Variants in CAMSAP3 observed in about 807,000 individuals in gnomAD.
CAMSAP3 encodes the protein calmodulin regulated spectrin associated protein family member 3.
Under a neutral mutation model 112.5 loss-of-function variants are expected in CAMSAP3, and 34 were observed. The ratio of observed to expected loss-of-function variants is 0.30; its 90% CI spans 0.23 to 0.40. The LOEUF (loss-of-function observed/expected upper bound fraction) is 0.40. Ranked by LOEUF, CAMSAP3 falls within the 10% of genes least tolerant of loss-of-function variation. The pLI, the probability that CAMSAP3 is intolerant of heterozygous loss-of-function variation, is 1.00. For missense variants in CAMSAP3, 1,602 were observed against 1,770.3 expected (o/e 0.90, Z 1.71); for synonymous variants, 868 against 799.8 (o/e 1.09, Z -1.44).
At position 7,611,775 on chromosome 19, in the gene CAMSAP3, C is replaced by T. The variant is rs758867421; in HGVS notation, c.1282C>T (p.Arg428Cys). Residue 428 changes from arginine (R) to cysteine (C), a missense_variant, in exon 11 of 17, where the codon CGC becomes TGC. Arg to Cys is a radical substitution (Grantham distance 180). Coordinates refer to ENST00000160298, the MANE Select transcript of CAMSAP3 (RefSeq NM_020902.2). This position sits in a 1 kb window ranked among gnomAD's most constrained non-coding sequence, Gnocchi z 6.9. ...CGTCATGGGAGACCCTGTGCTCCTCCGCTCTGTGAGCTCGGACAGCCTGGG... is the reference window on the plus strand; with the variant it reads ...CGTCATGGGAGACCCTGTGCTCCTCTGCTCTGTGAGCTCGGACAGCCTGGG... ...DVVMGDPVLL[R>C]SVSSDSLGPP... is the part of the protein sequence containing the mutation. The T allele has an allele frequency of 2.1e-5, 33 of 1,596,010 alleles. No individual in the cohort carries two copies. The highest frequency in any genetic ancestry group is 6.7e-5 in the African/African-American group (5 of 74,740).
intron 2 of CAMSAP3, 120 bp from the exon 3 acceptor site, chr19:7,606,151 G>T: frequency 5.3e-5 from 8 of 151,390 alleles, no homozygotes; most frequent in South Asian, 1.6e-4. Context: ...GCCCCCTCAA[G>T]CCCCACCCCC....
intron 13 of CAMSAP3, among the ~76,000 whole-genome samples, chr19:7,616,007 TG>T (rs2030768365): frequency 6.6e-6 from 1 of 151,848 alleles, no homozygotes; most frequent in Non-Finnish European, 1.5e-5. Flanking sequence ...CTGGCCAACA[TG>T]GTGAAAGCCC....
At position 7,617,639 on chromosome 19, in the gene CAMSAP3, C is replaced by G. The variant is rs200434657; in HGVS notation, c.3422C>G (p.Pro1141Arg). 6.2e-7 allele frequency: 1 copy of G among 1,614,088 alleles called. No individual in the cohort carries two copies. The highest frequency in any genetic ancestry group is 1.1e-5 in the South Asian group (1 of 91,088). The change falls in exon 16 of 17, where the codon CCG becomes CGG. Residue 1141 changes from proline to arginine, a missense_variant. Pro to Arg is a moderately radical substitution (Grantham distance 103, BLOSUM62 -2). Around this residue, in one of 6 missense-constraint regions of CAMSAP3, gnomAD observed 150 missense variants for 207.6 expected, o/e 0.72. Coordinates refer to ENST00000160298, the MANE Select transcript of CAMSAP3 (RefSeq NM_020902.2). This position sits in a 1 kb window ranked among gnomAD's most constrained non-coding sequence, Gnocchi z 7.5. ...HCCLAGKVNE[P>R]QKNRILEEIE... Reference sequence around the variant, plus strand: ...TGCCTGGCGGGCAAGGTGAACGAACCGCAGAAGAATCGCATTCTGGAGGTG... The same window carrying G: ...TGCCTGGCGGGCAAGGTGAACGAACGGCAGAAGAATCGCATTCTGGAGGTG...
rs746309940 is a variant in CAMSAP3, at chr19:7,610,467, T to A, written c.761-9T>A. 6.2e-7 allele frequency: 1 copy of A among 1,605,250 alleles called. No individual in the cohort carries two copies. The highest frequency in any genetic ancestry group is 1.1e-5 in the South Asian group (1 of 89,820). ...TAGAGTTGGGGACCCACTCCTCCTG[T>A]CCCCACAGAGGTGTGCTTGAAGGAC... is the stretch of plus-strand genomic sequence containing the variant. On this transcript the variant is annotated splice_polypyrimidine_tract_variant and intron_variant, in intron 5 of 16. Transcript: ENST00000160298. The surrounding 1 kb of genome is among the most constrained non-coding windows in gnomAD (Gnocchi z 4.9).
At chr19:7,606,249 C>G (rs1208691675) in intron 2 of CAMSAP3, 22 bp from the exon 3 acceptor site, 1 of 1,602,754 alleles carries the variant, frequency 6.2e-7, no homozygotes, top group African/African-American at 1.3e-5. Flanking sequence ...CAGGTCTCAC[C>G]CTCTAGCGCT....
rs1480446217 is a variant in CAMSAP3, at chr19:7,613,174, G to A, written c.2670+11G>A. ...GGGTTCTTCTACAAGGTGAGTCCCC[G>A]AGCAGGTGGCTGGAGGGTCCTGGGC... is the stretch of plus-strand genomic sequence containing the variant. On this transcript the variant is annotated intron_variant, in intron 11 of 16. Coordinates refer to ENST00000160298, the MANE Select transcript of CAMSAP3 (RefSeq NM_020902.2). 2.0e-6 allele frequency: 3 copies of A among 1,483,440 alleles called. No homozygotes were observed. The highest frequency in any genetic ancestry group is 1.8e-6 in the Non-Finnish European group (2 of 1,106,804). The allele number at this position is 1,483,440 out of a possible 1,614,324, so 91.9% of individuals were successfully genotyped here.
At chr19:7,606,702 C>A in intron 4 of CAMSAP3, 131 bp downstream of exon 4, 1 of 1,599,348 alleles carries the variant, frequency 6.3e-7, no homozygotes, top group Non-Finnish European at 8.6e-7. Flanking sequence ...CTTCCCCCCT[C>A]TCTCAATCTC....
At position 7,617,520 on chromosome 19, in the gene CAMSAP3, C is replaced by T. The variant is rs745917502; in HGVS notation, c.3326-23C>T. 1 of 1,610,560 alleles carries T rather than the reference C, an allele frequency of 6.2e-7. No individual in the cohort carries two copies. The highest frequency in any genetic ancestry group is 8.5e-7 in the Non-Finnish European group (1 of 1,176,786). The stretch of plus-strand genomic sequence containing the variant: ...TGCTCATTCCTGCTGCCCCCCACCC[C>T]CTCCCACTGCCTCACCCTCTAGGTC... On this transcript the variant is annotated intron_variant, in intron 15 of 16. Transcript: ENST00000160298. This position sits in a 1 kb window ranked among gnomAD's most constrained non-coding sequence, Gnocchi z 7.5.
At chr19:7,599,775 T>C (rs1391645245) in intron 1 of CAMSAP3, among the ~76,000 whole-genome samples, 10 of 34,750 alleles carry the variant, frequency 2.9e-4, no homozygotes, top group Admixed American at 3.6e-4. Context: ...ATCCACCCAC[T>C]CATCCACCCG....
Position 7,616,638 on chromosome 19 carries a change from A to G in CAMSAP3, c.3212+16A>G. ...CCACGTCTCGGTGAGTTTAGCCCGC[A>G]CAGGCGGGGTTCGTATGCCGGGTGG... On this transcript the variant is annotated intron_variant, in intron 14 of 16. Transcript: ENST00000160298. 2 of 1,585,008 alleles carry G rather than the reference A, an allele frequency of 1.3e-6. No individual in the cohort carries two copies. Among genetic ancestry groups the G allele is most frequent in the Middle Eastern group, 1.7e-4 (1 of 6,032 alleles).
intron 11 of CAMSAP3, among the ~76,000 whole-genome samples, chr19:7,613,715 G>A (rs956120570): frequency 1.4e-4 from 21 of 151,874 alleles, no homozygotes; most frequent in African/African-American, 3.4e-4. Flanking sequence ...ACAGATAGAC[G>A]GACAGGACCA....
chr19:7,608,792 G>A (rs898110901), intron 5 of CAMSAP3, among the ~76,000 whole-genome samples: 13 of 151,688 alleles, frequency 8.6e-5, no homozygotes, highest in Non-Finnish European at 1.8e-4. Flanking sequence ...ACGCCACCAC[G>A]CCTGGCTAAT....
intron 1 of CAMSAP3, among the ~76,000 whole-genome samples, chr19:7,603,914 C>T (rs149914626): frequency 0.013 from 1,921 of 152,220 alleles, 33 homozygotes; most frequent in African/African-American, 0.043. Context: ...GTGAGCAGAT[C>T]GCTTGAGGTC....
Position 7,617,846 on chromosome 19 carries a change from A to G in CAMSAP3, c.3539A>G (p.Glu1180Gly). ...RALYTLSGETEELSRLAGYGP... is the reference protein window; with the variant it reads ...RALYTLSGETGELSRLAGYGP... ...CTCTACACGCTGTCGGGGGAGACAG[A>G]GGAGCTGTCGCGGCTGGCAGGGTAT... Residue 1180 changes from glutamate (E) to glycine (G), a missense_variant, in exon 17 of 17, where the codon GAG becomes GGG. Coordinates refer to ENST00000160298, the MANE Select transcript of CAMSAP3 (RefSeq NM_020902.2). The surrounding 1 kb of genome is among the most constrained non-coding windows in gnomAD (Gnocchi z 7.5). The G allele has an allele frequency of 6.2e-7, 1 of 1,613,926 alleles. No homozygotes were observed. The highest frequency in any genetic ancestry group is 8.5e-7 in the Non-Finnish European group (1 of 1,180,022).
chr19:7,606,694 T>G, intron 4 of CAMSAP3, 123 bp downstream of exon 4: 3 of 1,587,482 alleles, frequency 1.9e-6, no homozygotes, highest in Non-Finnish European at 2.6e-6. Flanking sequence ...CTCTCTTTCT[T>G]CCCCCCTCTC....
At position 7,606,492 on chromosome 19, in the gene CAMSAP3, A is replaced by C. The variant is rs764162413; in HGVS notation, c.542A>C (p.Gln181Pro). Residue 181 changes from glutamine to proline, a missense_variant, in exon 4 of 17, where the codon CAG becomes CCG. Coordinates refer to ENST00000160298, the MANE Select transcript of CAMSAP3 (RefSeq NM_020902.2). ...FWVDTTVRRL[Q>P]EKTEQEAAQR... ...GCCCTCCAGACCGTCCGGCGGCTGC[A>C]GGAGAAGACCGAGCAGGAAGCGGCC... 2 of 1,582,120 alleles carry C rather than the reference A, an allele frequency of 1.3e-6. No individual in the cohort carries two copies. Among genetic ancestry groups the C allele is most frequent in the Non-Finnish European group, 1.7e-6 (2 of 1,171,058 alleles).
At chr19:7,605,513 A>C (rs762744730) in intron 2 of CAMSAP3, 34 bp downstream of exon 2, 1 of 1,434,850 alleles carries the variant, frequency 7.0e-7, no homozygotes, top group Middle Eastern at 2.0e-4. Flanking sequence ...GACCACGCCT[A>C]CCATGCTCAG....
chr19:7,599,810 T>C (rs184853057), intron 1 of CAMSAP3, among the ~76,000 whole-genome samples: 21 of 7,764 alleles, frequency 2.7e-3, no homozygotes, highest in South Asian at 6.6e-3. Flanking sequence ...CGCCCATCCA[T>C]CCACCCACCC....
At position 7,607,741 on chromosome 19, in the gene CAMSAP3, C is replaced by T; in HGVS notation, c.622-385C>T. 4 of 560,344 alleles carry T rather than the reference C, an allele frequency of 7.1e-6. No individual in the cohort carries two copies. The South Asian group carries it at 1.0e-4, about 14-fold the overall frequency. The allele number at this position is 560,344 out of a possible 1,614,324, so 34.7% of individuals were successfully genotyped here. ...GCTCAGGACCAGGGTCAGGGCTACCCCCTCCCCCCCAAGGTGGGCTTGGGG... is the reference window on the plus strand; with the variant it reads ...GCTCAGGACCAGGGTCAGGGCTACCTCCTCCCCCCCAAGGTGGGCTTGGGG... On this transcript the variant is annotated intron_variant, in intron 4 of 16. Transcript: ENST00000160298. This position sits in a 1 kb window ranked among gnomAD's most constrained non-coding sequence, Gnocchi z 4.9.
Sources: gnomAD v4.1 joint callset for allele counts (sites outside exome capture counted in the v4.1 genomes callset) on GRCh38, gnomAD v4.1.1 for gene constraint, gnomAD v4.1.1 regional missense constraint, Gnocchi (gnomAD v3.1) non-coding constraint, MANE v1.5 for transcripts, NCBI Gene and HGNC (gene_info 2026-07-23, HGNC 2026-07-21) for gene names.